AUTS2: variants seen among roughly 807,000 people sequenced by gnomAD.
AUTS2 encodes activator of transcription and developmental regulator AUTS2, also known as autism susceptibility gene 2 protein.
A neutral mutation model predicts 112.4 loss-of-function variants in AUTS2; 17 were observed. The observed-to-expected ratio is 0.15, with a 90% CI of 0.10 to 0.23. AUTS2 has a LOEUF of 0.23. Ranked by LOEUF, AUTS2 falls within the 10% of genes least tolerant of loss-of-function variation. The pLI, the probability that AUTS2 is intolerant of heterozygous loss-of-function variation, is 1.00. For synonymous variants in AUTS2, 751 were observed against 702.7 expected (o/e 1.07, Z -1.09); for missense variants, 1,510 against 1,701.6 (o/e 0.89, Z 1.98).
intron 5 of AUTS2, among the ~76,000 whole-genome samples, chr7:70,459,065 C>T (rs372808663): frequency 1.2e-4 from 18 of 152,144 alleles, no homozygotes; most frequent in African/African-American, 3.1e-4. Flanking sequence ...GTGGTTTCCC[C>T]GGGAGAGAGA....
At chr7:69,614,370 T>TCTTTCTTTCTTTCTTTCTTTCTTTC (rs1322536871) in intron 1 of AUTS2, among the ~76,000 whole-genome samples, 17 of 28,542 alleles carry the variant, frequency 6.0e-4, no homozygotes, top group East Asian at 1.7e-3. Context: ...CTTTCTTTTT[T>TCTTTCTTTCTTTCTTTCTTTCTTTC]TAAGAGATGG....
chr7:70,488,586 G>A (rs987040400), intron 5 of AUTS2, among the ~76,000 whole-genome samples: 2 of 152,030 alleles, frequency 1.3e-5, no homozygotes, highest in Admixed American at 6.5e-5. Flanking sequence ...GCCTTAATGG[G>A]CCTCTTTTTC....
At chr7:70,668,636 G>A (rs954411451) in intron 5 of AUTS2, among the ~76,000 whole-genome samples, 1 of 152,176 alleles carries the variant, frequency 6.6e-6, no homozygotes, top group African/African-American at 2.4e-5. Context: ...AGACCTCCCA[G>A]GCTGTCCCCA....
At chr7:69,844,517 C>T (rs1385811596) in intron 1 of AUTS2, among the ~76,000 whole-genome samples, 4 of 152,062 alleles carry the variant, frequency 2.6e-5, no homozygotes, top group Non-Finnish European at 5.9e-5. Context: ...GGAAACATGA[C>T]AGACACTGGA....
chr7:70,013,645 C>A (rs1325267897), intron 2 of AUTS2, among the ~76,000 whole-genome samples: 2 of 152,174 alleles, frequency 1.3e-5, no homozygotes, highest in East Asian at 3.9e-4. Flanking sequence ...TCTGCCATAG[C>A]TGAAGACCAT....
intron 1 of AUTS2, among the ~76,000 whole-genome samples, chr7:69,870,646 T>C (rs998506945): frequency 6.6e-6 from 1 of 151,752 alleles, no homozygotes; most frequent in African/African-American, 2.4e-5. Flanking sequence ...TACAGTCCCC[T>C]CTTTACTACA....
chr7:70,345,332 T>C lies in AUTS2; in HGVS notation c.661-90420T>C, dbSNP rs142419693. On this transcript the variant is annotated intron_variant, in intron 4 of 18. Transcript: ENST00000342771. ...TGACAGAGTGCTTACTGCCTCTTTG[T>C]TCAACGCTGGTGAAACCTCAGTGAT... Among the ~76,000 whole-genome samples, 277 of 152,332 alleles carry C rather than the reference T, an allele frequency of 1.8e-3. 1 individual carries two copies. The highest frequency in any genetic ancestry group is 6.5e-3 in the African/African-American group (269 of 41,576).
chr7:70,410,718 G>T (rs1460621353), intron 4 of AUTS2, among the ~76,000 whole-genome samples: 1 of 151,948 alleles, frequency 6.6e-6, no homozygotes, highest in Non-Finnish European at 1.5e-5. Context: ...ACTGCGCCTG[G>T]CTGGGTTTAC....
chr7:70,465,058 C>T (rs1318282906), intron 5 of AUTS2, among the ~76,000 whole-genome samples: 1 of 152,130 alleles, frequency 6.6e-6, no homozygotes, highest in African/African-American at 2.4e-5. Context: ...CAAGAAAGTA[C>T]ACCAGCCGGC....
intron 2 of AUTS2, among the ~76,000 whole-genome samples, chr7:70,034,487 T>C (rs1800914097): frequency 6.6e-6 from 1 of 152,172 alleles, no homozygotes; most frequent in Admixed American, 6.5e-5. Context: ...ATGCAAGGAA[T>C]TGGATTTACT....
At chr7:70,337,481 A>G (rs1791046908) in intron 4 of AUTS2, among the ~76,000 whole-genome samples, 1 of 152,206 alleles carries the variant, frequency 6.6e-6, no homozygotes, top group African/African-American at 2.4e-5. Flanking sequence ...CTGGAATATT[A>G]CTTTATGTAG....
intron 1 of AUTS2, among the ~76,000 whole-genome samples, chr7:69,874,551 A>G (rs1300683795): frequency 6.6e-6 from 1 of 152,126 alleles, no homozygotes; most frequent in Non-Finnish European, 1.5e-5. Context: ...CCAGATGAGG[A>G]GGTCTGAATT....
intron 4 of AUTS2, among the ~76,000 whole-genome samples, chr7:70,414,578 C>T (rs980176656): frequency 5.3e-5 from 8 of 152,026 alleles, no homozygotes; most frequent in Admixed American, 4.6e-4. Context: ...TCAGGAGAGA[C>T]GTTTAGCAGT....
At chr7:70,213,107 A>G (rs74375523) in intron 4 of AUTS2, among the ~76,000 whole-genome samples, 2,403 of 152,282 alleles carry the variant, frequency 0.016, 65 homozygotes, top group African/African-American at 0.051. Context: ...ATCTTCCCAC[A>G]TTATATAAAT....
In AUTS2 at chr7:70,766,229, G is replaced by A. The variant is rs751368457; in HGVS notation, c.1584G>A (p.Gln528=). Residue 528 remains glutamine, a synonymous_variant, in exon 9 of 19, where the codon CAG becomes CAA. Transcript: ENST00000342771. The surrounding 1 kb of genome is among the most constrained non-coding windows in gnomAD (Gnocchi z 4.8). ...PYLRTEFHQH[Q]HQHQHTHQHT... is the part of the protein sequence containing the mutation. The stretch of plus-strand genomic sequence containing the variant: ...TGCGGACCGAGTTCCATCAGCACCA[G>A]CACCAGCACCAGCACACCCACCAGC... 1.9e-6 allele frequency: 3 copies of A among 1,613,912 alleles called. No individual in the cohort carries two copies. Among genetic ancestry groups the A allele is most frequent in the African/African-American group, 1.3e-5 (1 of 74,866 alleles).
chr7:70,790,739 C>T lies in AUTS2; in HGVS notation c.3523C>T (p.Leu1175Phe). The T allele has an allele frequency of 6.2e-7, 1 of 1,613,620 alleles. No individual in the cohort carries two copies. The highest frequency in any genetic ancestry group is 8.5e-7 in the Non-Finnish European group (1 of 1,179,944). The change falls in exon 19 of 19, where the codon CTC becomes TTC. Residue 1175 changes from leucine (L) to phenylalanine (F), a missense_variant. Coordinates refer to ENST00000342771, the MANE Select transcript of AUTS2 (RefSeq NM_015570.4). This position sits in a 1 kb window ranked among gnomAD's most constrained non-coding sequence, Gnocchi z 7.6. Reference sequence around the variant, plus strand: ...GCTCCACTCCGTGCACCCCGCCTCCCTCGACGGACACCTCCCCCACCCCAG... The same window carrying T: ...GCTCCACTCCGTGCACCCCGCCTCCTTCGACGGACACCTCCCCCACCCCAG... The part of the protein sequence containing the change: ...TRLHSVHPAS[L>F]DGHLPHPSLI...
At chr7:70,156,674 T>C (rs1424755288) in intron 4 of AUTS2, among the ~76,000 whole-genome samples, 2 of 151,916 alleles carry the variant, frequency 1.3e-5, no homozygotes, top group Non-Finnish European at 2.9e-5. Flanking sequence ...CATTTTATTT[T>C]TGTTTAGTCA....
In AUTS2 at chr7:70,527,357, G is replaced by C. The variant is rs1054841004; in HGVS notation, c.690+91576G>C. Among the ~76,000 whole-genome samples the C allele has an allele frequency of 8.6e-5, 13 of 151,734 alleles. 1 individual carries two copies. Among genetic ancestry groups the C allele is most frequent in the Admixed American group, 5.9e-4 (9 of 15,246 alleles). On this transcript the variant is annotated intron_variant, in intron 5 of 18. Coordinates refer to ENST00000342771, the MANE Select transcript of AUTS2 (RefSeq NM_015570.4). ...AACTGCTCACTGATCTCTTTTTTTGGGGGGGTTGAACCCCTGCCCATCTTC... is the reference window on the plus strand; with the variant it reads ...AACTGCTCACTGATCTCTTTTTTTGCGGGGGTTGAACCCCTGCCCATCTTC...
At chr7:70,194,823 A>G (rs1402090747) in intron 4 of AUTS2, 2 of 152,240 alleles carry the variant, frequency 1.3e-5, no homozygotes, top group Non-Finnish European at 2.9e-5. Flanking sequence ...TGCCTTAAGA[A>G]GAGAGCTGGT....
Sources: allele counts gnomAD v4.1 joint callset (sites outside exome capture counted in the v4.1 genomes callset), GRCh38; gene constraint gnomAD v4.1.1; non-coding constraint Gnocchi (gnomAD v3.1); transcripts MANE v1.5; gene names NCBI Gene and HGNC (gene_info 2026-07-23, HGNC 2026-07-21).